Variants in SHLD2 observed in about 807,000 individuals in gnomAD.
The protein encoded by SHLD2 is shieldin complex subunit 2.
In SHLD2, 30 loss-of-function variants were observed where a neutral mutation model predicts 73.2. The ratio of observed to expected loss-of-function variants is 0.41; its 90% CI spans 0.31 to 0.56. SHLD2 has a LOEUF of 0.56. Among genes scored for constraint, SHLD2 ranks in the 20% least tolerant of loss-of-function variants. The pLI, the probability that SHLD2 is intolerant of heterozygous loss-of-function variation, is 0.28. For synonymous variants in SHLD2, 285 were observed against 370.1 expected, an observed-to-expected ratio of 0.77 and a Z score of 2.64; for missense variants, 745 against 1,055.9, an observed-to-expected ratio of 0.71 and a Z score of 4.08.
At chr10:87,171,084 G>GATTGTA in intron 6 of SHLD2, 110 bp downstream of exon 6, 1 of 630,862 alleles carries the variant, frequency 1.6e-6, no homozygotes, top group African/African-American at 1.9e-5. Context: ...TGAAATACAA[G>GATTGTA]TGATCATGAT....
At chr10:87,153,632 T>C (rs4351733) in intron 3 of SHLD2, among the ~76,000 whole-genome samples, 103,472 of 151,922 alleles carry the variant, frequency 0.68, 36,002 homozygotes, top group Middle Eastern at 0.89. Context: ...TGTGTGTATA[T>C]ATCACACATA....
intron 9 of SHLD2, among the ~76,000 whole-genome samples, chr10:87,190,267 C>T (rs1490714934): frequency 2.6e-5 from 4 of 152,188 alleles, no homozygotes; most frequent in Non-Finnish European, 4.4e-5. Context: ...CTGTGTTGGC[C>T]AGGCATGTCT....
upstream of SHLD2, chr10:87,095,137 G>A (rs1480648073): frequency 1.4e-5 from 2 of 142,468 alleles, no homozygotes; most frequent in African/African-American, 5.2e-5. Flanking sequence ...GGAGGGGAAC[G>A]GACGGGAGGG....
intron 3 of SHLD2, among the ~76,000 whole-genome samples, chr10:87,153,634 T>C (rs571603477): frequency 3.5e-4 from 53 of 152,286 alleles, no homozygotes; most frequent in Non-Finnish European, 6.0e-4. Flanking sequence ...TGTGTATATA[T>C]CACACATAGA....
intron 2 of SHLD2, among the ~76,000 whole-genome samples, chr10:87,128,290 G>T (rs1467736728): frequency 6.6e-6 from 1 of 152,154 alleles, no homozygotes; most frequent in African/African-American, 2.4e-5. Context: ...TGCATGATTT[G>T]CTGTGTCCTT....
At position 87,151,571 on chromosome 10, in the gene SHLD2, C is replaced by T; in HGVS notation, c.217C>T (p.Leu73Phe). The T allele has an allele frequency of 6.2e-7, 1 of 1,611,630 alleles. No individual in the cohort carries two copies. The highest frequency in any genetic ancestry group is 8.5e-7 in the Non-Finnish European group (1 of 1,179,632). The change falls in exon 3 of 10, where the codon CTT becomes TTT. Residue 73 changes from leucine to phenylalanine, a missense_variant. By Grantham distance (22) the Leu-to-Phe change is conservative (BLOSUM62 0). Transcript: ENST00000298786. Reference protein sequence around the residue: ...KVPESIGSPDLSGHFLANCMN... With the variant: ...KVPESIGSPDFSGHFLANCMN... The stretch of plus-strand genomic sequence containing the variant: ...CCCAGAATCTATTGGTTCTCCAGAT[C>T]TTAGTGGTCATTTCTTAGCAAACTG...
rs989961377 is a variant in SHLD2 at position 87,139,824 on chromosome 10, CA to C, written c.-5-11518del. On this transcript the variant is annotated intron_variant, in intron 2 of 9. Transcript: ENST00000298786. ...TGGGTGACAGAGTGAGACTTTGTCT[CA>C]AAAAAAACCAAAAGACTCACAAGTA... Among the ~76,000 whole-genome samples the C allele has an allele frequency of 2.0e-5, 3 of 150,476 alleles. No individual in the cohort carries two copies. The East Asian group carries it at 5.8e-4, about 29-fold the overall frequency.
intron 6 of SHLD2, among the ~76,000 whole-genome samples, chr10:87,171,998 C>T (rs1174347912): frequency 3.9e-5 from 6 of 152,082 alleles, no homozygotes; most frequent in African/African-American, 1.4e-4. Flanking sequence ...GCAGATTGCT[C>T]CATGTTTAAT....
In SHLD2 at chr10:87,152,093, A is replaced by C. The variant is rs753857327; in HGVS notation, c.739A>C (p.Thr247Pro). 1.9e-5 allele frequency: 30 copies of C among 1,611,854 alleles called. No individual in the cohort carries two copies. Among genetic ancestry groups the C allele is most frequent in the Non-Finnish European group, 5.1e-6 (6 of 1,179,838 alleles). ...STDTEFLSII[T>P]SSQVAFLAQK... ...TGATACAGAATTTCTCAGTATAATT[A>C]CCTCCAGCCAGGTTGCTTTTTTAGC... The change falls in exon 3 of 10, where the codon ACC becomes CCC. Residue 247 changes from threonine (T) to proline (P), a missense_variant. Around this residue, in one of 5 missense-constraint regions of SHLD2, gnomAD observed 280 missense variants for 353.9 expected, o/e 0.79. Transcript: ENST00000298786.
intron 6 of SHLD2, among the ~76,000 whole-genome samples, chr10:87,173,483 TTAAAA>T (rs1167403513): frequency 6.6e-6 from 1 of 152,028 alleles, no homozygotes; most frequent in African/African-American, 2.4e-5. Context: ...CTTATGCTTT[TTAAAA>T]TAAAAGAATA....
chr10:87,146,191 G>C (rs34339712), intron 2 of SHLD2, among the ~76,000 whole-genome samples: 49,265 of 152,082 alleles, frequency 0.32, 8,759 homozygotes, highest in East Asian at 0.74. Context: ...TTGTTTAGAC[G>C]AAGCTTGTTC....
At chr10:87,117,152 G>T (rs1331418802) in intron 2 of SHLD2, among the ~76,000 whole-genome samples, 1 of 152,208 alleles carries the variant, frequency 6.6e-6, no homozygotes, top group Admixed American at 6.5e-5. Context: ...GGGCAAGGTG[G>T]CTCATGCCTG....
chr10:87,103,137 G>C (rs1842375759), intron 2 of SHLD2, among the ~76,000 whole-genome samples: 2 of 149,750 alleles, frequency 1.3e-5, no homozygotes, highest in Admixed American at 6.6e-5. Flanking sequence ...TTGAACCCGG[G>C]AGGCAGAGGT....
chr10:87,108,292 G>A (rs925322500), intron 2 of SHLD2, among the ~76,000 whole-genome samples: 4 of 152,024 alleles, frequency 2.6e-5, no homozygotes, highest in South Asian at 4.1e-4. Flanking sequence ...CAGGTGATCC[G>A]CCCTCCTTGG....
chr10:87,158,000 A>G (rs371636091), intron 3 of SHLD2, 48 bp from the exon 4 acceptor site: 2,299 of 1,553,394 alleles, frequency 1.5e-3, no homozygotes, highest in Non-Finnish European at 1.9e-3. Context: ...GGTTAACCAC[A>G]TTGTGAAGGA....
In SHLD2 at chr10:87,170,654, G is replaced by A; in HGVS notation, c.1810G>A (p.Asp604Asn). 6.2e-7 allele frequency: 1 copy of A among 1,606,164 alleles called. No homozygotes were observed. Among genetic ancestry groups the A allele is most frequent in the Non-Finnish European group, 8.5e-7 (1 of 1,177,662 alleles). ...VLVHAVLRVV[D>N]FTILTEAVYS... ...AGTCCACGCAGTACTAAGAGTTGTT[G>A]ATTTCACTATACTGACAGGTAAATA... Residue 604 changes from aspartate to asparagine, a missense_variant, in exon 5 of 10, where the codon GAT (aspartate) becomes AAT (asparagine). Asp to Asn is a conservative substitution (Grantham distance 23). Transcript: ENST00000298786.
chr10:87,132,316 T>C (rs2760427), intron 2 of SHLD2, among the ~76,000 whole-genome samples: 2 of 152,274 alleles, frequency 1.3e-5, no homozygotes, highest in Admixed American at 6.5e-5. Context: ...AATGGTATTA[T>C]GACACAAGGG....
chr10:87,190,669 A>T lies in SHLD2; in HGVS notation c.2701A>T (p.Asn901Tyr). 6.2e-7 allele frequency: 1 copy of T among 1,611,922 alleles called. No homozygotes were observed. Among genetic ancestry groups the T allele is most frequent in the Non-Finnish European group, 8.5e-7 (1 of 1,179,794 alleles). The change falls in exon 10 of 10, where the codon AAT becomes TAT. Residue 901 changes from asparagine to tyrosine, a missense_variant. Physicochemically the swap from Asn to Tyr is moderately radical, Grantham distance 143. Coordinates refer to ENST00000298786, the MANE Select transcript of SHLD2 (RefSeq NM_001330112.2). Reference protein sequence around the residue: ...FYPDIVKHGANARL With the variant: ...FYPDIVKHGAYARL ...TCCTGACATTGTAAAGCATGGAGCC[A>T]ATGCCCGTCTCTGAGGCCAGAGGAA...
intron 2 of SHLD2, among the ~76,000 whole-genome samples, chr10:87,123,428 G>T (rs1378059570): frequency 1.3e-5 from 2 of 151,550 alleles, no homozygotes; most frequent in African/African-American, 4.9e-5. Context: ...CAGCCTCCAG[G>T]GTAGCTGGAA....
Sources: allele counts gnomAD v4.1 joint callset (sites outside exome capture counted in the v4.1 genomes callset), GRCh38; gene constraint gnomAD v4.1.1; regional missense constraint gnomAD v4.1.1; transcripts MANE v1.5; gene names NCBI Gene and HGNC (gene_info 2026-07-23, HGNC 2026-07-21).